The following ARHGAP6 variants were observed in gnomAD, a reference collection of about 807,000 sequenced individuals.
ARHGAP6 encodes Rho GTPase activating protein 6.
A neutral mutation model predicts 55.7 loss-of-function variants in ARHGAP6; 16 were observed. The ratio of observed to expected loss-of-function variants is 0.29; its 90% CI spans 0.19 to 0.44. ARHGAP6 has a LOEUF of 0.44. ARHGAP6 is among the 20% of genes least tolerant of loss of function. The probability of loss-of-function intolerance (pLI) is 1.00; values close to 1 mark genes in which losing one functional copy is unlikely to be tolerated. For synonymous variants in ARHGAP6, 382 were observed against 360.9 expected (o/e 1.06, Z -0.66); for missense variants, 698 against 808.9 (o/e 0.86, Z 1.66).
At chrX:11,620,270 C>T (rs2052212599) in intron 1 of ARHGAP6, among the ~76,000 whole-genome samples, 1 of 111,747 alleles carries the variant, frequency 8.9e-6, no homozygotes, top group African/African-American at 3.3e-5. Flanking sequence ...CCAAGAAGTG[C>T]AATTAAAAAA....
chrX:11,373,050 T>A (rs768449849), intron 1 of ARHGAP6, among the ~76,000 whole-genome samples: 18 of 106,402 alleles, frequency 1.7e-4, no homozygotes, highest in African/African-American at 6.1e-4. Flanking sequence ...TAATTCTAAA[T>A]TTTTAAATAT....
intron 1 of ARHGAP6, among the ~76,000 whole-genome samples, chrX:11,554,512 A>G (rs2051301842): frequency 8.9e-6 from 1 of 112,203 alleles, no homozygotes; most frequent in African/African-American, 3.2e-5. Context: ...TACCCTGACT[A>G]AATCATTGCT....
intron 1 of ARHGAP6, among the ~76,000 whole-genome samples, chrX:11,545,432 T>C (rs1301224420): frequency 8.9e-6 from 1 of 111,910 alleles, no homozygotes; most frequent in African/African-American, 3.2e-5. Flanking sequence ...AGGTTTTGCA[T>C]AGTAGGAGCT....
chrX:11,565,149 C>T lies in ARHGAP6; in HGVS notation c.588+99092G>A, dbSNP rs73501011. ...GGTAGCTCTGTGTGAAGCATAGGTA[C>T]TAGTCTTTTCCTATTTCACATCAAC... On this transcript the variant is annotated intron_variant, in intron 1 of 12. Coordinates refer to ENST00000337414, the MANE Select transcript of ARHGAP6 (RefSeq NM_013427.3). Among the ~76,000 whole-genome samples, 774 of 112,243 alleles carry T rather than the reference C, an allele frequency of 6.9e-3. 10 individuals carry two copies. The highest frequency in any genetic ancestry group is 0.024 in the African/African-American group (737 of 30,921).
At position 11,443,927 on chromosome X, in the gene ARHGAP6, CAAACA is replaced by C. The variant is rs530992668; in HGVS notation, c.589-189225_589-189221del. Among the ~76,000 whole-genome samples the C allele has an allele frequency of 4.9e-4, 51 of 104,844 alleles. 1 individual carries two copies. In the South Asian group the frequency reaches 0.021, roughly 42 times the overall value. The allele number at this position is 104,844 out of a possible 115,157, so 91.0% of individuals were successfully genotyped here. Reference sequence around the variant, plus strand: ...TGGGTGACAGAGCGAGACTCCGTCTCAAACAAAACAAAACAAAAAAGAAAACCAAA... The same window carrying C: ...TGGGTGACAGAGCGAGACTCCGTCTCAAACAAAACAAAAAAGAAAACCAAA... On this transcript the variant is annotated intron_variant, in intron 1 of 12. Coordinates refer to ENST00000337414, the MANE Select transcript of ARHGAP6 (RefSeq NM_013427.3).
At chrX:11,437,455 T>C (rs2049998247) in intron 1 of ARHGAP6, among the ~76,000 whole-genome samples, 1 of 112,124 alleles carries the variant, frequency 8.9e-6, no homozygotes, top group Non-Finnish European at 1.9e-5. Context: ...TTGCTTTAGG[T>C]AGAGTTCCTC....
chrX:11,245,007 T>C (rs2047334162), intron 2 of ARHGAP6, among the ~76,000 whole-genome samples: 1 of 111,991 alleles, frequency 8.9e-6, no homozygotes, highest in South Asian at 3.8e-4. Flanking sequence ...GAACTTTACA[T>C]GGTAAAAACC....
chrX:11,484,948 C>A (rs1257978239), intron 1 of ARHGAP6, among the ~76,000 whole-genome samples: 1 of 111,451 alleles, frequency 9.0e-6, no homozygotes, highest in Non-Finnish European at 1.9e-5. Context: ...CCAGGTGTGC[C>A]TAAGTCCTTA....
chrX:11,391,978 A>C (rs1448284854), intron 1 of ARHGAP6, among the ~76,000 whole-genome samples: 1 of 112,273 alleles, frequency 8.9e-6, no homozygotes, highest in Non-Finnish European at 1.9e-5. Context: ...GTCTATGACT[A>C]AGCTCCTAGT....
At chrX:11,446,814 G>A (rs1173785773) in intron 1 of ARHGAP6, among the ~76,000 whole-genome samples, 4 of 111,663 alleles carry the variant, frequency 3.6e-5, no homozygotes, top group Non-Finnish European at 7.5e-5. Context: ...TTTATTTGTA[G>A]GGAAGTATAT....
chrX:11,573,102 T>C (rs1429238574), intron 1 of ARHGAP6, among the ~76,000 whole-genome samples: 1 of 111,452 alleles, frequency 9.0e-6, no homozygotes, highest in Admixed American at 9.6e-5. Flanking sequence ...GTCAGATGAG[T>C]AGGTTGCGAA....
chrX:11,417,274 T>C (rs1357672474), intron 1 of ARHGAP6, among the ~76,000 whole-genome samples: 6 of 105,648 alleles, frequency 5.7e-5, no homozygotes, highest in African/African-American at 2.1e-4. Flanking sequence ...GAGGAAGAAT[T>C]TAAAATGTGT....
Position 11,222,781 on chromosome X carries a change from T to C in ARHGAP6, c.749-25785A>G, listed in dbSNP as rs1471167231. On this transcript the variant is annotated intron_variant, in intron 2 of 12. Transcript: ENST00000337414. ...TCTTACTTTTATGTGCTTTACTTAA[T>C]GAGTTGTGACAGTATTTCATGGAAA... Among the ~76,000 whole-genome samples, 4 of 112,350 alleles carry C rather than the reference T, an allele frequency of 3.6e-5. No homozygotes were observed. In the East Asian group the frequency reaches 1.1e-3, roughly 31 times the overall value.
At chrX:11,629,570 A>T (rs2052338095) in intron 1 of ARHGAP6, among the ~76,000 whole-genome samples, 1 of 110,692 alleles carries the variant, frequency 9.0e-6, no homozygotes, top group African/African-American at 3.3e-5. Flanking sequence ...TATTCTCAAT[A>T]GGACATTGAA....
intron 10 of ARHGAP6, among the ~76,000 whole-genome samples, chrX:11,147,107 T>C (rs906575399): frequency 2.7e-5 from 3 of 112,266 alleles, no homozygotes; most frequent in African/African-American, 6.5e-5. Context: ...GATCAACATA[T>C]ATACACATAC....
intron 1 of ARHGAP6, 143 bp from the exon 2 acceptor site, chrX:11,254,850 T>C (rs186461894): frequency 1.1e-3 from 781 of 723,932 alleles, no homozygotes; most frequent in Middle Eastern, 2.6e-3. Context: ...CAAAGTCAAA[T>C]CCTCTTTTAG....
Position 11,363,397 on chromosome X carries a change from G to A in ARHGAP6, c.589-108690C>T, listed in dbSNP as rs368436407. ...TGGTTCACATGCTGAGTAACTGGAT[G>A]CTATTTCAATATTTAGCTCAGGCCA... is the stretch of plus-strand genomic sequence containing the variant. On this transcript the variant is annotated intron_variant, in intron 1 of 12. Transcript: ENST00000337414. 8.9e-5 allele frequency among the ~76,000 whole-genome samples: 10 copies of A among 112,433 alleles called. 1 individual carries two copies. The East Asian group carries it at 2.8e-3, about 31-fold the overall frequency.
rs750144882 is a variant in ARHGAP6 at position 11,447,109 on chromosome X, G to A, written c.589-192402C>T. Among the ~76,000 whole-genome samples the A allele has an allele frequency of 8.0e-5, 9 of 111,982 alleles. No homozygotes were observed. In the East Asian group the frequency reaches 8.4e-4, roughly 10 times the overall value. On this transcript the variant is annotated intron_variant, in intron 1 of 12. Transcript: ENST00000337414. ...TGGTTGAAGGAAATGACACTGTAGC[G>A]TCAGACACGCACTTTCTCCAAGATG...
intron 1 of ARHGAP6, among the ~76,000 whole-genome samples, chrX:11,510,930 G>T (rs188805820): frequency 9.5e-4 from 106 of 111,920 alleles, no homozygotes; most frequent in African/African-American, 3.1e-3. Flanking sequence ...CCTACAAGCA[G>T]AGTTGAGTAG....
Sources: gnomAD v4.1 joint callset for allele counts (sites outside exome capture counted in the v4.1 genomes callset) on GRCh38, gnomAD v4.1.1 for gene constraint, MANE v1.5 for transcripts, NCBI Gene and HGNC (gene_info 2026-07-23, HGNC 2026-07-21) for gene names.